ACER1: variants seen among roughly 807,000 people sequenced by gnomAD.
ACER1 encodes alkaline ceramidase 1, also known as CTB-180A7.3.
Under a neutral mutation model 24.9 loss-of-function variants are expected in ACER1, and 28 were observed. The observed-to-expected ratio is 1.13, with a 90% CI of 0.83 to 1.54. ACER1 has a LOEUF of 1.54. Ranked by LOEUF, ACER1 falls within the 40% of genes most tolerant of loss-of-function variation. The pLI is 0.00. For missense variants in ACER1, 352 were observed against 349.3 expected (o/e 1.01, Z -0.06); for synonymous variants, 132 against 131.4 (o/e 1.00, Z -0.03).
chr19:6,329,356 T>TATAGAATAGAATAAAATAGA (rs2091676617), intron 1 of ACER1, among the ~76,000 whole-genome samples: 1 of 133,938 alleles, frequency 7.5e-6, no homozygotes, highest in Non-Finnish European at 1.6e-5. Context: ...GGCTTTTTGA[T>TATAGAATAGAATAAAATAGA]ATAGAATAGA....
intron 1 of ACER1, among the ~76,000 whole-genome samples, chr19:6,318,750 C>T (rs1307611095): frequency 2.0e-5 from 3 of 150,962 alleles, no homozygotes; most frequent in African/African-American, 4.9e-5. Context: ...CGTGCCACTG[C>T]ACTCCAGCCT....
At chr19:6,349,571 T>C in the ACER1 span, among the ~76,000 whole-genome samples, 4 of 151,672 alleles carry the variant, frequency 2.6e-5, no homozygotes, top group Non-Finnish European at 5.9e-5. Context: ...AGGGAGAAGT[T>C]AAAGTGGTAT....
chr19:6,319,891 C>T (rs957159018), intron 1 of ACER1, among the ~76,000 whole-genome samples: 3 of 152,188 alleles, frequency 2.0e-5, no homozygotes, highest in Middle Eastern at 3.4e-3. Flanking sequence ...GTGGGCAGAT[C>T]ACTTGAGGTC....
intron 1 of ACER1, among the ~76,000 whole-genome samples, chr19:6,324,665 T>C (rs2091650023): frequency 6.6e-6 from 1 of 151,528 alleles, no homozygotes; most frequent in Non-Finnish European, 1.5e-5. Flanking sequence ...CTTGGGAGGC[T>C]GAGGCAGGAG....
chr19:6,324,832 G>T (rs1467148863), intron 1 of ACER1, among the ~76,000 whole-genome samples: 1 of 141,230 alleles, frequency 7.1e-6, no homozygotes, highest in African/African-American at 2.7e-5. Context: ...AGGAAAGGAA[G>T]GAAGGAAGGA....
the ACER1 span, among the ~76,000 whole-genome samples, chr19:6,339,673 T>C: frequency 2.0e-5 from 3 of 152,114 alleles, no homozygotes; most frequent in Admixed American, 1.3e-4. Context: ...TTTGTTTTTG[T>C]TTTTTGTTTT....
Position 6,312,226 on chromosome 19 carries a change from G to A in ACER1, c.273C>T (p.Ala91=), listed in dbSNP as rs2144999293. ...SFLGQLLDEI[A]ILWLLGSGYS... ...AGCCACTGCCCAGGAGCCACAGGAT[G>A]GCGATCTCGTCCAGCAGCTGGCCCA... The change falls in exon 3 of 6, where the codon GCC becomes GCT. Residue 91 remains alanine, a synonymous_variant. Coordinates refer to ENST00000301452, the MANE Select transcript of ACER1 (RefSeq NM_133492.3). The A allele has an allele frequency of 6.2e-7, 1 of 1,614,072 alleles. No individual in the cohort carries two copies.
At chr19:6,335,715 C>T (rs368937254), upstream of ACER1, among the ~76,000 whole-genome samples, 13 of 151,778 alleles carry the variant, frequency 8.6e-5, no homozygotes, top group East Asian at 2.4e-3. Context: ...CCCATAGTCC[C>T]AGCTACTCAG....
At chr19:6,358,924 ACT>A in the ACER1 span, among the ~76,000 whole-genome samples, 4 of 133,698 alleles carry the variant, frequency 3.0e-5, no homozygotes, top group African/African-American at 8.3e-5. Flanking sequence ...CAAGAGCAAA[ACT>A]CTGTCTCAAA....
chr19:6,341,268 C>T, the ACER1 span, among the ~76,000 whole-genome samples: 1 of 149,750 alleles, frequency 6.7e-6, no homozygotes, highest in Non-Finnish European at 1.5e-5. Context: ...CAAGATTTCG[C>T]CACTGCAAAC....
chr19:6,340,261 T>C, the ACER1 span, among the ~76,000 whole-genome samples: 832 of 134,172 alleles, frequency 6.2e-3, 22 homozygotes, highest in African/African-American at 0.022. Flanking sequence ...AGCCTGGGCA[T>C]AGAGCAAGAC....
chr19:6,357,350 C>T, the ACER1 span, among the ~76,000 whole-genome samples: 492 of 151,988 alleles, frequency 3.2e-3, 1 homozygote, highest in Non-Finnish European at 5.8e-3. Context: ...CCTGGCTTGA[C>T]TCCAAGCAGA....
At chr19:6,315,740 C>G (rs747421530) in intron 1 of ACER1, among the ~76,000 whole-genome samples, 3 of 152,104 alleles carry the variant, frequency 2.0e-5, no homozygotes, top group African/African-American at 7.2e-5. Flanking sequence ...GTCTCTAACT[C>G]CAGGACTCAA....
chr19:6,358,043 G>A, the ACER1 span, among the ~76,000 whole-genome samples: 332 of 152,258 alleles, frequency 2.2e-3, 2 homozygotes, highest in African/African-American at 7.5e-3. Flanking sequence ...AGGAGTGGAG[G>A]AGTGGCTGCA....
chr19:6,347,480 A>C, the ACER1 span, among the ~76,000 whole-genome samples: 1 of 150,336 alleles, frequency 6.7e-6, no homozygotes, highest in Non-Finnish European at 1.5e-5. Context: ...ATGGCCTCCC[A>C]AAGTGCTGGG....
chr19:6,355,673 C>T, the ACER1 span, among the ~76,000 whole-genome samples: 4 of 130,926 alleles, frequency 3.1e-5, no homozygotes, highest in Admixed American at 7.2e-5. Context: ...AGGTGAGGGG[C>T]GCCTCTGCCC....
rs1468931556 is a variant in ACER1 at position 6,307,365 on chromosome 19, T to C, written c.489-75A>G. ...ATGGGGCTGATGGGAAATTCCTCCTTCCACAGTGATGAGGCTCAGAGGTTG... is the reference window on the plus strand; with the variant it reads ...ATGGGGCTGATGGGAAATTCCTCCTCCCACAGTGATGAGGCTCAGAGGTTG... On this transcript the variant is annotated intron_variant, in intron 4 of 5. Coordinates refer to ENST00000301452, the MANE Select transcript of ACER1 (RefSeq NM_133492.3). 1.4e-5 allele frequency: 21 copies of C among 1,533,662 alleles called. No homozygotes were observed. In the Admixed American group the frequency reaches 2.1e-4, roughly 15 times the overall value.
In ACER1 at chr19:6,329,356, T is replaced by TAGA. The variant is rs147227366; in HGVS notation, c.93+4102_93+4103insTCT. 5.8e-3 allele frequency among the ~76,000 whole-genome samples: 784 copies of TAGA among 134,024 alleles called. 9 individuals carry two copies. The highest frequency in any genetic ancestry group is 0.019 in the African/African-American group (678 of 35,178). The allele number at this position is 134,024 out of a possible 152,430, so 87.9% of individuals were successfully genotyped here. A position where few individuals can be genotyped will look rare whatever the true frequency, so the allele number is the denominator to read the frequency against. On this transcript the variant is annotated intron_variant, in intron 1 of 5. Coordinates refer to ENST00000301452, the MANE Select transcript of ACER1 (RefSeq NM_133492.3). ...ACCTGTTTGGAGAGAGGCTTTTTGA[T>TAGA]ATAGAATAGAATAGAATAGAATAGA... is the stretch of plus-strand genomic sequence containing the variant.
intron 1 of ACER1, among the ~76,000 whole-genome samples, chr19:6,327,410 A>G (rs1298600062): frequency 6.6e-6 from 1 of 151,754 alleles, no homozygotes; most frequent in Non-Finnish European, 1.5e-5. Flanking sequence ...CTAAAAATAC[A>G]AAAAATTAGC....
Sources: gnomAD v4.1 joint callset for allele counts (sites outside exome capture counted in the v4.1 genomes callset) on GRCh38, gnomAD v4.1.1 for gene constraint, MANE v1.5 for transcripts, NCBI Gene and HGNC (gene_info 2026-07-23, HGNC 2026-07-21) for gene names.